The following SLC22A3 variants were observed in gnomAD, a reference collection of about 807,000 sequenced individuals.
The protein encoded by SLC22A3 is solute carrier family 22 member 3.
In SLC22A3, 51 loss-of-function variants were observed where a neutral mutation model predicts 59.1. The observed-to-expected ratio is 0.86, with a 90% CI of 0.69 to 1.09. The LOEUF (loss-of-function observed/expected upper bound fraction) is 1.09. Ranked by LOEUF, SLC22A3 falls within the 50% of genes least tolerant of loss-of-function variation. SLC22A3 has a pLI of 0.00. For synonymous variants in SLC22A3, 325 were observed against 292.0 expected (o/e 1.11, Z -1.15); for missense variants, 711 against 726.3 (o/e 0.98, Z 0.24).
intron 1 of SLC22A3, among the ~76,000 whole-genome samples, chr6:160,376,526 T>A (rs371141246): frequency 1.9e-4 from 13 of 68,642 alleles, no homozygotes; most frequent in Non-Finnish European, 3.2e-4. Context: ...TAAACTAAAA[T>A]TTTTTTTTAA....
intron 5 of SLC22A3, among the ~76,000 whole-genome samples, chr6:160,422,033 T>C (rs972587998): frequency 2.0e-5 from 3 of 152,258 alleles, no homozygotes; most frequent in Admixed American, 6.5e-5. Context: ...TCCAGAGCTC[T>C]GCGCAGCCAG....
intron 1 of SLC22A3, among the ~76,000 whole-genome samples, chr6:160,368,760 G>C (rs1398641353): frequency 6.6e-6 from 1 of 152,148 alleles, no homozygotes. Context: ...CTGTGCAAAA[G>C]CCAGGAATAG....
At chr6:160,349,093 T>C (rs1784575081) in intron 1 of SLC22A3, 1 of 984,912 alleles carries the variant, frequency 1.0e-6, no homozygotes, top group Non-Finnish European at 1.2e-6. Context: ...GTTTCGGGTG[T>C]GAACAAAAAC....
chr6:160,451,377 C>A lies in SLC22A3; in HGVS notation c.*321C>A. 6.8e-6 allele frequency: 2 copies of A among 293,828 alleles called. No individual in the cohort carries two copies. Among genetic ancestry groups the A allele is most frequent in the South Asian group, 4.9e-5 (1 of 20,540 alleles). The allele number at this position is 293,828 out of a possible 1,614,324, so 18.2% of individuals were successfully genotyped here. ...TAGGCTAAAGAGAGACAAGAGAAGC[C>A]CCCAACCTGATTCTCATGACAGCTC... is the stretch of plus-strand genomic sequence containing the variant. On this transcript the variant is annotated 3_prime_UTR_variant, in exon 11 of 11. Transcript: ENST00000275300.
At position 160,348,455 on chromosome 6, in the gene SLC22A3, C is replaced by T; in HGVS notation, c.36C>T (p.Gly12=). The change falls in exon 1 of 11, where the codon GGC becomes GGT. Residue 12 remains glycine (G), a synonymous_variant. Coordinates refer to ENST00000275300, the MANE Select transcript of SLC22A3 (RefSeq NM_021977.4). ...TCGACGAGGCGCTGCAGCGGGTGGG[C>T]GAGTTCGGGCGCTTCCAGAGGCGCG... ...PSFDEALQRV[G]EFGRFQRRVF... 1 of 1,531,874 alleles carries T rather than the reference C, an allele frequency of 6.5e-7. No homozygotes were observed. Among genetic ancestry groups the T allele is most frequent in the Non-Finnish European group, 8.7e-7 (1 of 1,143,104 alleles). The allele number at this position is 1,531,874 out of a possible 1,614,324, so 94.9% of individuals were successfully genotyped here.
intron 9 of SLC22A3, among the ~76,000 whole-genome samples, chr6:160,445,366 C>CCAGGG (rs1427598736): frequency 6.6e-6 from 1 of 152,106 alleles, no homozygotes; most frequent in Non-Finnish European, 1.5e-5. Flanking sequence ...AGAGGTGGTG[C>CCAGGG]CAGGGCAGGG....
intron 1 of SLC22A3, among the ~76,000 whole-genome samples, chr6:160,380,466 T>G (rs1017681916): frequency 7.2e-5 from 11 of 152,140 alleles, no homozygotes; most frequent in Non-Finnish European, 1.2e-4. Context: ...TTTATGATGA[T>G]GATATAAAAG....
At chr6:160,387,503 T>G (rs545101452) in intron 1 of SLC22A3, among the ~76,000 whole-genome samples, 24 of 152,340 alleles carry the variant, frequency 1.6e-4, no homozygotes, top group Non-Finnish European at 3.1e-4. Flanking sequence ...AAAAGATTTC[T>G]TTGCTACAGG....
intron 2 of SLC22A3, among the ~76,000 whole-genome samples, chr6:160,403,087 A>T (rs1286791957): frequency 6.6e-6 from 1 of 151,580 alleles, no homozygotes; most frequent in African/African-American, 2.4e-5. Flanking sequence ...AGAAAATAAA[A>T]CCAAAAGCTG....
chr6:160,418,379 T>A (rs967793414), intron 5 of SLC22A3, among the ~76,000 whole-genome samples: 23 of 152,330 alleles, frequency 1.5e-4, no homozygotes, highest in African/African-American at 5.3e-4. Flanking sequence ...AAGGCTGCAC[T>A]GTTGGTTTCC....
intron 1 of SLC22A3, among the ~76,000 whole-genome samples, chr6:160,372,507 G>A (rs571786546): frequency 1.3e-5 from 2 of 152,162 alleles, no homozygotes; most frequent in East Asian, 1.9e-4. Context: ...GTTTCTTTGT[G>A]GTGTTCTGAA....
chr6:160,385,249 G>A (rs1326171470), intron 1 of SLC22A3, among the ~76,000 whole-genome samples: 1 of 152,202 alleles, frequency 6.6e-6, no homozygotes, highest in Non-Finnish European at 1.5e-5. Flanking sequence ...ATTGTGCTGA[G>A]CCCTGCTGCC....
chr6:160,380,764 G>A (rs369121853), intron 1 of SLC22A3, among the ~76,000 whole-genome samples: 21 of 152,068 alleles, frequency 1.4e-4, no homozygotes, highest in Non-Finnish European at 2.2e-4. Context: ...GAATGATAAC[G>A]TAGTAAATCA....
intron 5 of SLC22A3, among the ~76,000 whole-genome samples, chr6:160,413,811 A>G (rs886851656): frequency 1.3e-5 from 2 of 152,210 alleles, no homozygotes; most frequent in Non-Finnish European, 2.9e-5. Flanking sequence ...CCTTAATATC[A>G]AGTCAGTGTT....
At chr6:160,400,599 C>T (rs1249661499) in intron 2 of SLC22A3, among the ~76,000 whole-genome samples, 1 of 151,942 alleles carries the variant, frequency 6.6e-6, no homozygotes, top group East Asian at 1.9e-4. Context: ...GTTCCGTTTA[C>T]CCAGTACACC....
chr6:160,410,161 C>T (rs954288216), intron 4 of SLC22A3, among the ~76,000 whole-genome samples: 2 of 152,136 alleles, frequency 1.3e-5, no homozygotes, highest in Admixed American at 1.3e-4. Context: ...GGATTACAGG[C>T]ATGCACCACC....
intron 2 of SLC22A3, among the ~76,000 whole-genome samples, chr6:160,400,248 T>C (rs907881322): frequency 2.0e-5 from 3 of 152,002 alleles, no homozygotes; most frequent in African/African-American, 4.8e-5. Flanking sequence ...CAGGAGAAGA[T>C]GTTTAACCAG....
chr6:160,389,685 G>C (rs1285605874), intron 1 of SLC22A3, among the ~76,000 whole-genome samples: 1 of 152,232 alleles, frequency 6.6e-6, no homozygotes, highest in Non-Finnish European at 1.5e-5. Context: ...CAGATGGTCA[G>C]AGCGAGGCTG....
At chr6:160,442,664 G>T in intron 7 of SLC22A3, 97 bp from the exon 8 acceptor site, 1 of 885,330 alleles carries the variant, frequency 1.1e-6, no homozygotes, top group East Asian at 2.5e-5. Flanking sequence ...AAAGACTTCA[G>T]ACTGGAGGCC....
Sources: gnomAD v4.1 joint callset for allele counts (sites outside exome capture counted in the v4.1 genomes callset) on GRCh38, gnomAD v4.1.1 for gene constraint, MANE v1.5 for transcripts, NCBI Gene and HGNC (gene_info 2026-07-23, HGNC 2026-07-21) for gene names.